Variants in ATXN1 observed in about 807,000 individuals in gnomAD.
The protein encoded by ATXN1 is ataxin 1, also known as ataxin-1.
A neutral mutation model predicts 56.4 loss-of-function variants in ATXN1; 8 were observed. The observed-to-expected ratio is 0.14, with a 90% CI of 0.08 to 0.26. ATXN1 has a LOEUF of 0.26. Among genes scored for constraint, ATXN1 ranks in the 10% least tolerant of loss-of-function variants. The pLI is 1.00. For missense variants in ATXN1, 987 were observed against 1,106.5 expected (o/e 0.89, Z 1.53); for synonymous variants, 514 against 494.6 (o/e 1.04, Z -0.52).
chr6:16,456,411 G>A (rs773435824), intron 6 of ATXN1, among the ~76,000 whole-genome samples: 3 of 152,218 alleles, frequency 2.0e-5, no homozygotes, highest in Admixed American at 6.5e-5. Context: ...GGACATGGAT[G>A]TCAGGCTCTC....
chr6:16,404,588 C>T (rs938275205), intron 6 of ATXN1, among the ~76,000 whole-genome samples: 11 of 152,232 alleles, frequency 7.2e-5, no homozygotes, highest in African/African-American at 2.7e-4. Flanking sequence ...TCGACTTTTA[C>T]CAGAGTCTGC....
intron 2 of ATXN1, among the ~76,000 whole-genome samples, chr6:16,728,540 T>A (rs115667449): frequency 9.1e-4 from 138 of 152,310 alleles, no homozygotes; most frequent in South Asian, 2.5e-3. Context: ...CTACACGCCA[T>A]CACCCATATG....
At chr6:16,715,972 T>C (rs748706648) in intron 2 of ATXN1, among the ~76,000 whole-genome samples, 5 of 152,176 alleles carry the variant, frequency 3.3e-5, no homozygotes, top group Non-Finnish European at 7.3e-5. Context: ...TCTGCTGCAA[T>C]TCTCTACCTG....
At chr6:16,437,470 C>T (rs760979552) in intron 6 of ATXN1, among the ~76,000 whole-genome samples, 3 of 152,194 alleles carry the variant, frequency 2.0e-5, no homozygotes, top group Admixed American at 1.3e-4. Context: ...TCTTCCCATG[C>T]ACTAAGGAGC....
At chr6:16,598,701 G>A (rs983093450) in intron 3 of ATXN1, among the ~76,000 whole-genome samples, 1 of 152,146 alleles carries the variant, frequency 6.6e-6, no homozygotes, top group Non-Finnish European at 1.5e-5. Context: ...ATGATAAGGC[G>A]GCCAGCAAGC....
chr6:16,579,990 C>A (rs1157015692), intron 4 of ATXN1, among the ~76,000 whole-genome samples: 1 of 152,174 alleles, frequency 6.6e-6, no homozygotes, highest in Non-Finnish European at 1.5e-5. Flanking sequence ...CAGTGATATA[C>A]TTCTCACTTA....
chr6:16,401,520 G>A (rs770789863), intron 6 of ATXN1, among the ~76,000 whole-genome samples: 4 of 152,206 alleles, frequency 2.6e-5, no homozygotes, highest in African/African-American at 9.6e-5. Flanking sequence ...GTGGAGAATC[G>A]CTTGAGAGAG....
intron 3 of ATXN1, among the ~76,000 whole-genome samples, chr6:16,605,901 G>C (rs908697752): frequency 1.3e-5 from 2 of 152,164 alleles, no homozygotes; most frequent in African/African-American, 4.8e-5. Context: ...GCTGAGATGG[G>C]AGGATCACTT....
intron 6 of ATXN1, among the ~76,000 whole-genome samples, chr6:16,419,964 C>T (rs1561888890): frequency 6.6e-6 from 1 of 152,144 alleles, no homozygotes; most frequent in East Asian, 1.9e-4. Flanking sequence ...TGGCCATGAT[C>T]CGAGGGCATT....
intron 6 of ATXN1, among the ~76,000 whole-genome samples, chr6:16,477,990 C>A (rs1182425028): frequency 6.6e-6 from 1 of 152,174 alleles, no homozygotes; most frequent in Non-Finnish European, 1.5e-5. Flanking sequence ...CACCCTCTTC[C>A]ACCACCACTC....
intron 6 of ATXN1, among the ~76,000 whole-genome samples, chr6:16,370,424 G>A (rs535720013): frequency 3.2e-4 from 49 of 152,320 alleles, no homozygotes; most frequent in African/African-American, 1.1e-3. Context: ...TGGCAAACAC[G>A]ATTTTAAGAA....
chr6:16,450,815 T>A (rs1358505134), intron 6 of ATXN1, among the ~76,000 whole-genome samples: 1 of 152,168 alleles, frequency 6.6e-6, no homozygotes, highest in Non-Finnish European at 1.5e-5. Flanking sequence ...GTCAACCCCA[T>A]TCCTAAACAT....
Position 16,306,962 on chromosome 6 carries a change from C to A in ATXN1, c.1918-103G>T. On this transcript the variant is annotated intron_variant, in intron 7 of 7. Transcript: ENST00000436367. The surrounding 1 kb of genome is among the most constrained non-coding windows in gnomAD (Gnocchi z 5.2). The stretch of plus-strand genomic sequence containing the variant: ...GCACACACACAGGTATGAACTCACA[C>A]AGACACACACAGGCTGAATGGGGGA... The A allele has an allele frequency of 7.7e-7, 1 of 1,298,778 alleles. No individual in the cohort carries two copies. Among genetic ancestry groups the A allele is most frequent in the South Asian group, 1.5e-5 (1 of 66,934 alleles). The allele number at this position is 1,298,778 out of a possible 1,614,324, so 80.5% of individuals were successfully genotyped here. A position where few individuals can be genotyped will look rare whatever the true frequency, so the allele number is the denominator to read the frequency against.
At chr6:16,565,872 T>C (rs762159548) in intron 4 of ATXN1, among the ~76,000 whole-genome samples, 2 of 152,166 alleles carry the variant, frequency 1.3e-5, no homozygotes, top group Non-Finnish European at 2.9e-5. Flanking sequence ...AGCTATAAAA[T>C]ATAAACTTCT....
chr6:16,512,142 T>C (rs1486616707), intron 5 of ATXN1, among the ~76,000 whole-genome samples: 1 of 152,168 alleles, frequency 6.6e-6, no homozygotes, highest in Non-Finnish European at 1.5e-5. Context: ...GATAAAGATA[T>C]CATTACCCTC....
chr6:16,322,747 C>T (rs557966248), intron 7 of ATXN1, among the ~76,000 whole-genome samples: 85 of 152,314 alleles, frequency 5.6e-4, no homozygotes, highest in Non-Finnish European at 1.2e-3. Flanking sequence ...CCATCTCCCC[C>T]TCTCATGCTC....
chr6:16,668,968 A>G (rs572384219), intron 2 of ATXN1, among the ~76,000 whole-genome samples: 53 of 152,040 alleles, frequency 3.5e-4, no homozygotes, highest in African/African-American at 1.3e-3. Flanking sequence ...AATCCACCCC[A>G]TTTTCTTGGC....
intron 2 of ATXN1, among the ~76,000 whole-genome samples, chr6:16,680,497 T>C (rs1306055463): frequency 1.3e-5 from 2 of 152,160 alleles, no homozygotes; most frequent in Admixed American, 1.3e-4. Flanking sequence ...TAACAAGCTG[T>C]GTGGTTCATT....
chr6:16,621,148 A>G (rs1019495974), intron 3 of ATXN1, among the ~76,000 whole-genome samples: 3 of 152,236 alleles, frequency 2.0e-5, no homozygotes, highest in Non-Finnish European at 4.4e-5. Context: ...TCGGAGCCCA[A>G]GGTCATTAGA....
Sources: gnomAD v4.1 joint callset for allele counts (sites outside exome capture counted in the v4.1 genomes callset) on GRCh38, gnomAD v4.1.1 for gene constraint, Gnocchi (gnomAD v3.1) non-coding constraint, MANE v1.5 for transcripts, NCBI Gene and HGNC (gene_info 2026-07-23, HGNC 2026-07-21) for gene names.